The following FOXP2 variants were observed in gnomAD, a reference collection of about 807,000 sequenced individuals.
The protein encoded by FOXP2 is forkhead box protein P2.
FOXP2 carries 12 observed loss-of-function variants against 115.8 expected under a neutral mutation model. The observed-to-expected ratio is 0.10, with a 90% CI of 0.07 to 0.17. The LOEUF is 0.17. FOXP2 is among the 10% of genes least tolerant of loss of function. The pLI, the probability that FOXP2 is intolerant of heterozygous loss-of-function variation, is 1.00. For synonymous variants in FOXP2, 328 were observed against 297.7 expected (o/e 1.10, Z -1.05); for missense variants, 629 against 843.5 (o/e 0.75, Z 3.15).
intron 1 of FOXP2, among the ~76,000 whole-genome samples, chr7:114,418,534 T>C (rs1161850380): frequency 2.6e-5 from 4 of 151,804 alleles, no homozygotes; most frequent in Non-Finnish European, 4.4e-5. Flanking sequence ...GACATTTGAA[T>C]CTTTAGGAAC....
intron 2 of FOXP2, among the ~76,000 whole-genome samples, chr7:114,325,802 A>G (rs1360569181): frequency 6.6e-6 from 1 of 152,040 alleles, no homozygotes; most frequent in East Asian, 1.9e-4. Flanking sequence ...AGCTAAATTA[A>G]AGGAGGCAAC....
At chr7:114,383,904 C>T (rs1477956843) in intron 2 of FOXP2, among the ~76,000 whole-genome samples, 1 of 152,190 alleles carries the variant, frequency 6.6e-6, no homozygotes, top group Non-Finnish European at 1.5e-5. Flanking sequence ...GCGTAACCAC[C>T]CATGGACCTC....
chr7:114,174,834 A>G (rs1360278423), intron 1 of FOXP2, among the ~76,000 whole-genome samples: 1 of 152,112 alleles, frequency 6.6e-6, no homozygotes, highest in Admixed American at 6.5e-5. Context: ...TCTTTGTAGA[A>G]TAGTAATTCA....
chr7:114,316,214 T>C (rs1266186956), intron 2 of FOXP2, among the ~76,000 whole-genome samples: 1 of 152,164 alleles, frequency 6.6e-6, no homozygotes, highest in Admixed American at 6.5e-5. Flanking sequence ...GCTTTTTCAA[T>C]CACAAACACA....
In FOXP2 at chr7:114,490,841, T is replaced by G. The variant is rs1285682881; in HGVS notation, c.169-43776T>G. 4.6e-5 allele frequency among the ~76,000 whole-genome samples: 7 copies of G among 152,284 alleles called. No homozygotes were observed. The East Asian group carries it at 9.6e-4, about 21-fold the overall frequency. Reference sequence around the variant, plus strand: ...CCCTACAAAGGACATGAACTCATCATTTTTTATGGCTGCATAGTATTCCAT... The same window carrying G: ...CCCTACAAAGGACATGAACTCATCAGTTTTTATGGCTGCATAGTATTCCAT... On this transcript the variant is annotated intron_variant, in intron 2 of 16. Transcript: ENST00000350908.
At chr7:114,551,891 C>T (rs1474280136) in intron 3 of FOXP2, among the ~76,000 whole-genome samples, 2 of 152,028 alleles carry the variant, frequency 1.3e-5, no homozygotes, top group Non-Finnish European at 2.9e-5. Context: ...TCTAAGAGTA[C>T]GTTTTATGAC....
At chr7:114,154,203 G>A in intron 1 of FOXP2, among the ~76,000 whole-genome samples, 1 of 152,094 alleles carries the variant, frequency 6.6e-6, no homozygotes, top group African/African-American at 2.4e-5. Flanking sequence ...GTTACAAGGA[G>A]TCTTAAATAC....
In FOXP2 at chr7:114,462,366, C is replaced by CTTTTTTT. The variant is rs1170387045; in HGVS notation, c.168+35704_168+35710dup. ...TGGGCACTCATTTTCAGCATAATAT[C>CTTTTTTT]TTTTTTTTTTTTTTTTTTTTTTTAA... On this transcript the variant is annotated intron_variant, in intron 2 of 16. Coordinates refer to ENST00000350908, the MANE Select transcript of FOXP2 (RefSeq NM_014491.4). Among the ~76,000 whole-genome samples the CTTTTTTT allele has an allele frequency of 7.6e-3, 676 of 89,282 alleles. 17 individuals carry two copies. Among genetic ancestry groups the CTTTTTTT allele is most frequent in the South Asian group, 0.014 (28 of 2,014 alleles). 58.6% of individuals were successfully genotyped at this position (89,282 alleles called of 152,430 possible). A position where few individuals can be genotyped will look rare whatever the true frequency, so the allele number is the denominator to read the frequency against.
At chr7:114,111,118 C>T (rs1335647225) in intron 1 of FOXP2, among the ~76,000 whole-genome samples, 3 of 152,120 alleles carry the variant, frequency 2.0e-5, no homozygotes, top group Non-Finnish European at 4.4e-5. Flanking sequence ...GCATTAATGC[C>T]TGCAATCAAT....
rs11350392 is a variant in FOXP2 at position 114,434,438 on chromosome 7, T to TG, written c.168+7770dup. On this transcript the variant is annotated intron_variant, in intron 2 of 16. Transcript: ENST00000350908. ...TTCTGACCTCACGGTTTAATATATA[T>TG]GGGGGGGGGGGATAAGGTACAGCAA... Among the ~76,000 whole-genome samples the TG allele has an allele frequency of 6.0e-3, 790 of 131,540 alleles. 9 individuals carry two copies. The highest frequency in any genetic ancestry group is 0.042 in the Middle Eastern group (11 of 260). 86.3% of individuals were successfully genotyped at this position (131,540 alleles called of 152,430 possible).
intron 1 of FOXP2, among the ~76,000 whole-genome samples, chr7:114,260,004 C>G (rs1475516511): frequency 6.6e-6 from 1 of 152,018 alleles, no homozygotes; most frequent in Non-Finnish European, 1.5e-5. Context: ...GTTCTCTTGC[C>G]TCAGCCTTCA....
chr7:114,455,487 T>C (rs764453877), intron 2 of FOXP2, among the ~76,000 whole-genome samples: 20 of 152,072 alleles, frequency 1.3e-4, no homozygotes, highest in Non-Finnish European at 2.5e-4. Flanking sequence ...CAGTAAAAAA[T>C]AGAGTTTTCC....
In FOXP2 at chr7:114,689,883, A is replaced by T; in HGVS notation, c.2105A>T (p.Asp702Val). The change falls in exon 17 of 17, where the codon GAC becomes GTC. Residue 702 changes from aspartate (D) to valine (V), a missense_variant. Asp to Val is a radical substitution (Grantham distance 152, BLOSUM62 -3). Transcript: ENST00000350908. The stretch of plus-strand genomic sequence containing the variant: ...AATCACAGTCCAGAATTAGAAGACG[A>T]CAGAGAGATTGAAGAAGAGCCTTTA... ...TANHSPELED[D>V]REIEEEPLSE... The T allele has an allele frequency of 6.2e-7, 1 of 1,613,544 alleles. No homozygotes were observed. Among genetic ancestry groups the T allele is most frequent in the Non-Finnish European group, 8.5e-7 (1 of 1,179,576 alleles).
At chr7:114,310,653 G>A (rs549104522) in intron 2 of FOXP2, among the ~76,000 whole-genome samples, 1 of 152,010 alleles carries the variant, frequency 6.6e-6, no homozygotes, top group South Asian at 2.1e-4. Flanking sequence ...TTTAGATTCT[G>A]TGTTTGTTGT....
chr7:114,472,345 CTT>C (rs1164348933), intron 2 of FOXP2, among the ~76,000 whole-genome samples: 22 of 137,700 alleles, frequency 1.6e-4, no homozygotes, highest in Non-Finnish European at 1.4e-4. Flanking sequence ...TTTATAAATT[CTT>C]TTTTTTTTTT....
chr7:114,498,865 G>A, intron 2 of FOXP2: 1 of 717,828 alleles, frequency 1.4e-6, no homozygotes, highest in Non-Finnish European at 2.6e-6. Flanking sequence ...TCCTTGTTGG[G>A]CATCTTTCTT....
intron 2 of FOXP2, among the ~76,000 whole-genome samples, chr7:114,342,488 A>G (rs1284073067): frequency 6.6e-6 from 1 of 151,460 alleles, no homozygotes; most frequent in Non-Finnish European, 1.5e-5. Flanking sequence ...ACTTATAAAA[A>G]TGAGAAAATA....
At chr7:114,145,431 T>TTTTTCTCTTCTCTTTTC (rs767281325) in intron 1 of FOXP2, among the ~76,000 whole-genome samples, 1 of 100,446 alleles carries the variant, frequency 1.0e-5, no homozygotes, top group Non-Finnish European at 2.2e-5. Flanking sequence ...GCTTTGCCAT[T>TTTTTCTCTTCTCTTTTC]TTTTCTTTTC....
At chr7:114,115,626 C>T (rs772972079) in intron 1 of FOXP2, among the ~76,000 whole-genome samples, 4 of 152,148 alleles carry the variant, frequency 2.6e-5, no homozygotes, top group Non-Finnish European at 5.9e-5. Flanking sequence ...ACTCAACCCT[C>T]TCATCTCAAT....
Sources: allele counts gnomAD v4.1 joint callset (sites outside exome capture counted in the v4.1 genomes callset), GRCh38; gene constraint gnomAD v4.1.1; transcripts MANE v1.5; gene names NCBI Gene and HGNC (gene_info 2026-07-23, HGNC 2026-07-21).